Variants in SMOC1 observed in about 807,000 individuals in gnomAD.
SMOC1 encodes the protein SPARC related modular calcium binding 1.
In SMOC1, 22 loss-of-function variants were observed where a neutral mutation model predicts 56.3. That is an observed-to-expected ratio of 0.39 (90% CI 0.28 to 0.56). The LOEUF is 0.56. SMOC1 is among the 20% of genes least tolerant of loss of function. The pLI is 0.61. For synonymous variants in SMOC1, 193 were observed against 215.0 expected (o/e 0.90, Z 0.89); for missense variants, 509 against 565.4 (o/e 0.90, Z 1.01).
At chr14:69,910,598 AT>A (rs35582659) in intron 1 of SMOC1, among the ~76,000 whole-genome samples, 116,434 of 148,710 alleles carry the variant, frequency 0.78, 48,399 homozygotes, top group East Asian at 0.99. Context: ...TGTTTGAAGG[AT>A]TTTTTTTTTT....
At chr14:70,006,919 C>T (rs1439878066) in intron 7 of SMOC1, among the ~76,000 whole-genome samples, 1 of 152,174 alleles carries the variant, frequency 6.6e-6, no homozygotes, top group Non-Finnish European at 1.5e-5. Context: ...GAGGCCTCGG[C>T]CTGACACAAA....
intron 7 of SMOC1, among the ~76,000 whole-genome samples, chr14:70,009,112 C>G (rs1006393518): frequency 6.6e-6 from 1 of 152,184 alleles, no homozygotes; most frequent in African/African-American, 2.4e-5. Context: ...TTTAGCTTTT[C>G]TATATTTGCA....
chr14:69,942,790 G>A (rs2139418860), intron 1 of SMOC1, among the ~76,000 whole-genome samples: 1 of 152,350 alleles, frequency 6.6e-6, no homozygotes, highest in East Asian at 1.9e-4. Context: ...TTGAGAAGGA[G>A]CATGGGTTTG....
chr14:69,918,635 G>A (rs1467353919), intron 1 of SMOC1, among the ~76,000 whole-genome samples: 5 of 152,180 alleles, frequency 3.3e-5, no homozygotes, highest in African/African-American at 4.8e-5. Context: ...GAACTTCCGT[G>A]TGCCTTGGTT....
Position 69,933,238 on chromosome 14 carries a change from T to C in SMOC1, c.100-18900T>C, listed in dbSNP as rs377500152. 4.6e-5 allele frequency among the ~76,000 whole-genome samples: 7 copies of C among 152,236 alleles called. No homozygotes were observed. In the South Asian group the frequency reaches 1.4e-3, roughly 31 times the overall value. On this transcript the variant is annotated intron_variant, in intron 1 of 11. Transcript: ENST00000361956. ...GTCTAAACAAAAAGTAGATGTTTAG[T>C]GTACTAGTATTTTATTTATTTTCAG...
intron 1 of SMOC1, among the ~76,000 whole-genome samples, chr14:69,928,393 C>T (rs947437968): frequency 1.3e-5 from 2 of 152,222 alleles, no homozygotes; most frequent in South Asian, 2.1e-4. Context: ...GCAGTCTCCT[C>T]GTAGTCTGGG....
At chr14:69,885,525 G>A in intron 1 of SMOC1, 1 of 1,598,400 alleles carries the variant, frequency 6.3e-7, no homozygotes, top group Non-Finnish European at 8.5e-7. Flanking sequence ...GAGTTCACCT[G>A]TGTGAAGGCG....
intron 3 of SMOC1, among the ~76,000 whole-genome samples, chr14:69,961,258 C>G (rs1883358880): frequency 1.0e-5 from 1 of 99,890 alleles, no homozygotes; most frequent in South Asian, 3.6e-4. Flanking sequence ...TATTGTCAAG[C>G]AATATTCTAT....
intron 11 of SMOC1, among the ~76,000 whole-genome samples, chr14:70,029,416 A>G (rs1886055513): frequency 6.6e-6 from 1 of 152,158 alleles, no homozygotes; most frequent in Non-Finnish European, 1.5e-5. Flanking sequence ...TGGATAGCTG[A>G]GGGATTGCAA....
chr14:70,017,323 G>A (rs1413252236), intron 10 of SMOC1, among the ~76,000 whole-genome samples: 1 of 152,202 alleles, frequency 6.6e-6, no homozygotes, highest in Non-Finnish European at 1.5e-5. Flanking sequence ...CTGGCCAGTT[G>A]TCCCTCTTGT....
At chr14:70,012,279 G>T (rs527938626) in intron 9 of SMOC1, among the ~76,000 whole-genome samples, 7 of 152,338 alleles carry the variant, frequency 4.6e-5, no homozygotes, top group African/African-American at 1.7e-4. Flanking sequence ...CCCATCACAA[G>T]AATGGAGTCA....
chr14:69,965,089 A>T (rs141770707), intron 3 of SMOC1, among the ~76,000 whole-genome samples: 36 of 152,244 alleles, frequency 2.4e-4, no homozygotes, highest in African/African-American at 8.2e-4. Context: ...GGATAAAAAG[A>T]TGACTAGGCC....
intron 1 of SMOC1, among the ~76,000 whole-genome samples, chr14:69,916,497 T>C (rs944225329): frequency 3.9e-5 from 6 of 152,222 alleles, no homozygotes; most frequent in Admixed American, 6.5e-5. Context: ...TTACAGCGGC[T>C]TCCAGGCCCC....
intron 7 of SMOC1, among the ~76,000 whole-genome samples, chr14:70,001,384 G>T (rs1884963047): frequency 6.6e-6 from 1 of 152,196 alleles, no homozygotes; most frequent in Non-Finnish European, 1.5e-5. Context: ...TGACCACTGG[G>T]CAGTGGTGCA....
chr14:70,027,719 G>A (rs997694061), intron 11 of SMOC1, among the ~76,000 whole-genome samples: 1 of 152,208 alleles, frequency 6.6e-6, no homozygotes, highest in African/African-American at 2.4e-5. Flanking sequence ...CATTTGCAAA[G>A]TGGAGATTAT....
chr14:69,967,093 C>T (rs1340521131), intron 3 of SMOC1, among the ~76,000 whole-genome samples: 2 of 152,162 alleles, frequency 1.3e-5, no homozygotes, highest in African/African-American at 2.4e-5. Flanking sequence ...TCTAAACACA[C>T]CACTCCTAAC....
chr14:69,940,579 A>G (rs548568704), intron 1 of SMOC1, among the ~76,000 whole-genome samples: 1 of 152,280 alleles, frequency 6.6e-6, no homozygotes, highest in African/African-American at 2.4e-5. Context: ...GAGGAAGGGC[A>G]GGACGCTTAG....
intron 7 of SMOC1, among the ~76,000 whole-genome samples, chr14:70,002,555 C>T (rs1594849437): frequency 6.6e-6 from 1 of 152,188 alleles, no homozygotes; most frequent in Admixed American, 6.5e-5. Context: ...GCTCCCAGAG[C>T]CCCTGCATAA....
At chr14:69,998,634 C>T (rs1416486892) in intron 7 of SMOC1, among the ~76,000 whole-genome samples, 3 of 152,116 alleles carry the variant, frequency 2.0e-5, no homozygotes, top group Admixed American at 6.5e-5. Context: ...CTCTGATTTA[C>T]ATCTTTGTTT....
Sources: allele counts gnomAD v4.1 joint callset (sites outside exome capture counted in the v4.1 genomes callset), GRCh38; gene constraint gnomAD v4.1.1; transcripts MANE v1.5; gene names NCBI Gene and HGNC (gene_info 2026-07-23, HGNC 2026-07-21).